The following BBS9 variants were observed in gnomAD, a reference collection of about 807,000 sequenced individuals.
The protein encoded by BBS9 is Bardet-Biedl syndrome 9, also known as protein PTHB1.
A neutral mutation model predicts 117.7 loss-of-function variants in BBS9; 89 were observed. That is an observed-to-expected ratio of 0.76 (90% CI 0.64 to 0.90). The LOEUF (loss-of-function observed/expected upper bound fraction) is 0.90, where lower values mean the gene tolerates loss of function less well. Ranked by LOEUF, BBS9 falls within the 40% of genes least tolerant of loss-of-function variation. The pLI, the probability that BBS9 is intolerant of heterozygous loss-of-function variation, is 0.00. For synonymous variants in BBS9, 379 were observed against 370.9 expected, an observed-to-expected ratio of 1.02 and a Z score of -0.25; for missense variants, 982 against 1,042.2, an observed-to-expected ratio of 0.94 and a Z score of 0.80.
chr7:33,360,836 T>C (rs115367828), intron 16 of BBS9, among the ~76,000 whole-genome samples: 1,904 of 152,280 alleles, frequency 0.013, 42 homozygotes, highest in African/African-American at 0.044. Context: ...AGACATTTCT[T>C]TATCTCATAT....
intron 17 of BBS9, among the ~76,000 whole-genome samples, chr7:33,368,111 T>G (rs1270997224): frequency 6.6e-6 from 1 of 152,200 alleles, no homozygotes; most frequent in Non-Finnish European, 1.5e-5. Context: ...GATATGTAAC[T>G]GATATATTCA....
chr7:33,300,040 AC>A (rs1377557914), intron 9 of BBS9, among the ~76,000 whole-genome samples: 1 of 152,190 alleles, frequency 6.6e-6, no homozygotes, highest in African/African-American at 2.4e-5. Flanking sequence ...GGCACTAACA[AC>A]AATGGGAACT....
At position 33,183,805 on chromosome 7, in the gene BBS9, C is replaced by A. The variant is rs76982457; in HGVS notation, c.442+6214C>A. The stretch of plus-strand genomic sequence containing the variant: ...GACATAAAACAAGACAAGCGGGGAA[C>A]CTCATTCAGTTTTTTTTTGTTTGTT... On this transcript the variant is annotated intron_variant, in intron 5 of 22. Coordinates refer to ENST00000242067, the MANE Select transcript of BBS9 (RefSeq NM_198428.3). Among the ~76,000 whole-genome samples the A allele has an allele frequency of 9.9e-3, 1,512 of 152,082 alleles. 26 individuals are homozygous for A. The highest frequency in any genetic ancestry group is 0.035 in the African/African-American group (1,451 of 41,392).
At chr7:33,607,125 T>G (rs1864617984), downstream of BBS9, among the ~76,000 whole-genome samples, 1 of 152,144 alleles carries the variant, frequency 6.6e-6, no homozygotes, top group African/African-American at 2.4e-5. Flanking sequence ...ATTTGCAAGC[T>G]CCTTGGACAT....
chr7:33,419,580 G>C (rs1019654107), intron 19 of BBS9, among the ~76,000 whole-genome samples: 1 of 152,082 alleles, frequency 6.6e-6, no homozygotes, highest in East Asian at 1.9e-4. Context: ...TGGCAAAAAT[G>C]CCTCATATTT....
At position 33,627,809 on chromosome 7, in the gene BBS9, G is replaced by A. The variant is rs370284825; in HGVS notation, c.2522-7368G>A. On this transcript the variant is annotated intron_variant, in intron 21 of 21. Transcript: ENST00000671952. ...CTCATGCCCAGCACTTTGGGAGGCC[G>A]AGGCAGGTGGATCACTTGAGCCCAG... is the stretch of plus-strand genomic sequence containing the variant. Among the ~76,000 whole-genome samples, 104 of 152,276 alleles carry A rather than the reference G, an allele frequency of 6.8e-4. 1 individual carries two copies. In the South Asian group the frequency reaches 0.02, roughly 29 times the overall value.
At chr7:33,578,816 A>G (rs1859386302) in intron 21 of BBS9, among the ~76,000 whole-genome samples, 1 of 152,208 alleles carries the variant, frequency 6.6e-6, no homozygotes, top group Non-Finnish European at 1.5e-5. Flanking sequence ...TATTTCCTGT[A>G]TCTCTAGGAC....
At chr7:33,228,017 G>A (rs1207432355) in intron 5 of BBS9, among the ~76,000 whole-genome samples, 1 of 152,046 alleles carries the variant, frequency 6.6e-6, no homozygotes, top group African/African-American at 2.4e-5. Context: ...TGGATTGAAT[G>A]GTAGTTCTAC....
intron 9 of BBS9, 137 bp downstream of exon 9, chr7:33,274,093 T>A: frequency 1.1e-6 from 1 of 883,712 alleles, no homozygotes; most frequent in Non-Finnish European, 1.7e-6. Flanking sequence ...ATAATAAAAG[T>A]AATTTAAAAT....
At chr7:33,323,026 A>G (rs1175289749) in intron 9 of BBS9, among the ~76,000 whole-genome samples, 1 of 152,088 alleles carries the variant, frequency 6.6e-6, no homozygotes, top group Non-Finnish European at 1.5e-5. Context: ...TTTAATTTCC[A>G]TGTGTTTACA....
At chr7:33,425,676 G>A (rs1056935402) in intron 19 of BBS9, among the ~76,000 whole-genome samples, 2 of 152,194 alleles carry the variant, frequency 1.3e-5, no homozygotes, top group Non-Finnish European at 2.9e-5. Flanking sequence ...AGAAACTAAA[G>A]GCGCTGTTAT....
chr7:33,485,121 G>T (rs1842928528), intron 19 of BBS9, among the ~76,000 whole-genome samples: 1 of 152,030 alleles, frequency 6.6e-6, no homozygotes, highest in Non-Finnish European at 1.5e-5. Context: ...TTGTTGGGGG[G>T]CAACACACAC....
chr7:33,348,188 CT>C (rs1817953273), intron 12 of BBS9, among the ~76,000 whole-genome samples: 1 of 152,090 alleles, frequency 6.6e-6, no homozygotes, highest in Admixed American at 6.6e-5. Flanking sequence ...TCCTAATCTA[CT>C]TTATTTCTCT....
At chr7:33,435,939 G>A (rs1186291237) in intron 19 of BBS9, among the ~76,000 whole-genome samples, 2 of 152,074 alleles carry the variant, frequency 1.3e-5, no homozygotes, top group African/African-American at 4.8e-5. Context: ...GGATTCCTTG[G>A]GCTAGAGGTA....
Position 33,336,631 on chromosome 7 carries a change from T to C in BBS9, c.1198+9T>C, listed in dbSNP as rs766588885. On this transcript the variant is annotated intron_variant, in intron 10 of 22. Transcript: ENST00000242067. ...TGTTAACAAATCACAAGGTATCTCATTTGCAGCTTTTTATTATTTTAGTAT... is the reference window on the plus strand; with the variant it reads ...TGTTAACAAATCACAAGGTATCTCACTTGCAGCTTTTTATTATTTTAGTAT... 3 of 1,563,978 alleles carry C rather than the reference T, an allele frequency of 1.9e-6. No homozygotes were observed. The highest frequency in any genetic ancestry group is 1.8e-6 in the Non-Finnish European group (2 of 1,139,432).
At chr7:33,487,813 A>G (rs375779346) in intron 19 of BBS9, among the ~76,000 whole-genome samples, 1 of 152,172 alleles carries the variant, frequency 6.6e-6, no homozygotes. Context: ...AAACTGAGAA[A>G]TGTAAGGTTG....
rs562409879 is a variant in BBS9 at position 33,347,120 on chromosome 7, T to C, written c.1330-1948T>C. ...CCTTGGGCAAATTACTTAGCATCTC[T>C]GAGCCACAGTCTTTTGTAAAATGGT... On this transcript the variant is annotated intron_variant, in intron 12 of 22. Transcript: ENST00000242067. Among the ~76,000 whole-genome samples the C allele has an allele frequency of 2.6e-5, 4 of 152,318 alleles. No homozygotes were observed. The South Asian group carries it at 8.3e-4, about 32-fold the overall frequency.
At chr7:33,354,724 G>A (rs940709916) in intron 15 of BBS9, among the ~76,000 whole-genome samples, 1 of 151,766 alleles carries the variant, frequency 6.6e-6, no homozygotes, top group Non-Finnish European at 1.5e-5. Flanking sequence ...AGTGATACTG[G>A]GCTTTTGGGG....
chr7:33,433,044 G>T (rs1584807702), intron 19 of BBS9, among the ~76,000 whole-genome samples: 1 of 151,370 alleles, frequency 6.6e-6, no homozygotes, highest in Admixed American at 6.6e-5. Context: ...TTACCTAAAG[G>T]CTGAAAACTG....
Sources: allele counts gnomAD v4.1 joint callset (sites outside exome capture counted in the v4.1 genomes callset), GRCh38; gene constraint gnomAD v4.1.1; transcripts MANE v1.5; gene names NCBI Gene and HGNC (gene_info 2026-07-23, HGNC 2026-07-21).